PCDH11X: variants seen among roughly 807,000 people sequenced by gnomAD.
The protein encoded by PCDH11X is protocadherin 11 X-linked.
In PCDH11X, 18 loss-of-function variants were observed where a neutral mutation model predicts 53.3. That is an observed-to-expected ratio of 0.34 (90% CI 0.23 to 0.50). The LOEUF (loss-of-function observed/expected upper bound fraction) is 0.50. Among genes scored for constraint, PCDH11X ranks in the 20% least tolerant of loss-of-function variants. The pLI is 0.98. For synonymous variants in PCDH11X, 279 were observed against 393.3 expected, an observed-to-expected ratio of 0.71 and a Z score of 3.44; for missense variants, 570 against 1,032.4, an observed-to-expected ratio of 0.55 and a Z score of 6.14.
intron 8 of PCDH11X, among the ~76,000 whole-genome samples, chrX:92,331,057 G>A (rs1163362249): frequency 2.0e-5 from 2 of 101,756 alleles, no homozygotes; most frequent in East Asian, 6.4e-4. Context: ...TTAAATATGT[G>A]CAGTTTACTG....
intron 9 of PCDH11X, among the ~76,000 whole-genome samples, chrX:92,403,934 T>C (rs1372098907): frequency 9.0e-6 from 1 of 110,733 alleles, no homozygotes; most frequent in Non-Finnish European, 1.9e-5. Flanking sequence ...CTATCTTATC[T>C]TTAAGAAGAT....
At chrX:92,503,574 A>G (rs4363363) in intron 10 of PCDH11X, among the ~76,000 whole-genome samples, 14,311 of 92,153 alleles carry the variant, frequency 0.16, 997 homozygotes, top group East Asian at 0.48. Context: ...TGTGCTTTGC[A>G]GAGACATAGA....
rs2068245247 is a variant in PCDH11X, at chrX:92,281,219, T to C, written c.3144+18076T>C. On this transcript the variant is annotated intron_variant, in intron 8 of 10. Coordinates refer to ENST00000682573, the MANE Select transcript of PCDH11X (RefSeq NM_032968.5). Reference sequence around the variant, plus strand: ...CTGAACCAAAGGTCATATTGAATCATTTTTCTTATTCTACATTTCAGATTT... The same window carrying C: ...CTGAACCAAAGGTCATATTGAATCACTTTTCTTATTCTACATTTCAGATTT... 2.7e-5 allele frequency among the ~76,000 whole-genome samples: 3 copies of C among 111,986 alleles called. 1 individual carries two copies. In the East Asian group the frequency reaches 8.4e-4, roughly 31 times the overall value.
chrX:92,016,442 G>C (rs1357339532), intron 6 of PCDH11X, among the ~76,000 whole-genome samples: 1 of 109,929 alleles, frequency 9.1e-6, no homozygotes, highest in Non-Finnish European at 1.9e-5. Flanking sequence ...CTGAAAATCT[G>C]TTGTTCAGTG....
intron 6 of PCDH11X, among the ~76,000 whole-genome samples, chrX:92,117,114 C>T (rs989473609): frequency 1.7e-4 from 18 of 107,705 alleles, no homozygotes; most frequent in Admixed American, 2.1e-4. Context: ...TGTCTTTAAA[C>T]TTGTAAAGGG....
chrX:92,440,122 T>C (rs2072479334), intron 9 of PCDH11X, among the ~76,000 whole-genome samples: 1 of 102,707 alleles, frequency 9.7e-6, no homozygotes, highest in South Asian at 4.9e-4. Context: ...AGAAACCATT[T>C]TTTTCCAATA....
At chrX:92,389,100 T>C (rs974753559) in intron 9 of PCDH11X, among the ~76,000 whole-genome samples, 1 of 93,362 alleles carries the variant, frequency 1.1e-5, no homozygotes, top group African/African-American at 3.9e-5. Flanking sequence ...TTAGAGACTT[T>C]TGAGTCAGCA....
intron 6 of PCDH11X, among the ~76,000 whole-genome samples, chrX:92,137,605 A>C (rs2759737): frequency 9.0e-6 from 1 of 111,094 alleles, no homozygotes; most frequent in African/African-American, 3.3e-5. Flanking sequence ...ATATTCACAG[A>C]ATTTTGCAAC....
chrX:91,921,189 A>G (rs987065027), intron 6 of PCDH11X, among the ~76,000 whole-genome samples: 1 of 110,268 alleles, frequency 9.1e-6, no homozygotes, highest in African/African-American at 3.3e-5. Flanking sequence ...GGTTCACAGC[A>G]AAAATGAGAG....
At chrX:91,892,930 G>A (rs760079857) in intron 6 of PCDH11X, among the ~76,000 whole-genome samples, 337 of 110,219 alleles carry the variant, frequency 3.1e-3, no homozygotes, top group African/African-American at 0.011. Flanking sequence ...AGGATTACAG[G>A]CGTGAGCCAC....
intron 1 of PCDH11X, among the ~76,000 whole-genome samples, chrX:91,784,843 T>C (rs902598163): frequency 9.0e-6 from 1 of 111,407 alleles, no homozygotes. Context: ...CTATCTTTCA[T>C]TGACCTCAAA....
chrX:92,114,620 C>A (rs1422199829), intron 6 of PCDH11X, among the ~76,000 whole-genome samples: 1 of 111,744 alleles, frequency 8.9e-6, no homozygotes, highest in Non-Finnish European at 1.9e-5. Context: ...TTTCAAGGTT[C>A]TTTATATCCC....
At chrX:92,493,708 A>G (rs1470322442) in intron 10 of PCDH11X, among the ~76,000 whole-genome samples, 1 of 97,738 alleles carries the variant, frequency 1.0e-5, no homozygotes, top group Non-Finnish European at 2.0e-5. Flanking sequence ...GTGCAATGGC[A>G]TGATCTCGGC....
intron 10 of PCDH11X, among the ~76,000 whole-genome samples, chrX:92,468,619 C>T (rs1332184138): frequency 4.6e-5 from 5 of 109,352 alleles, no homozygotes; most frequent in South Asian, 3.9e-4. Context: ...TTTCAAATTA[C>T]CTATGAATTT....
At chrX:91,867,394 T>C (rs919405636) in intron 5 of PCDH11X, among the ~76,000 whole-genome samples, 7 of 110,567 alleles carry the variant, frequency 6.3e-5, no homozygotes, top group African/African-American at 1.7e-4. Context: ...ACAGTAGTTA[T>C]GCTTACAGAA....
At chrX:91,958,541 G>T (rs1172260205) in intron 6 of PCDH11X, among the ~76,000 whole-genome samples, 1 of 110,807 alleles carries the variant, frequency 9.0e-6, no homozygotes, top group Admixed American at 9.6e-5. Context: ...TTTTCAGGTG[G>T]GGTTGCGCAA....
chrX:92,176,745 T>G (rs901207419), intron 6 of PCDH11X, among the ~76,000 whole-genome samples: 1 of 110,837 alleles, frequency 9.0e-6, no homozygotes, highest in African/African-American at 3.3e-5. Flanking sequence ...TTATTTTATG[T>G]TGGAGTGCGA....
intron 6 of PCDH11X, among the ~76,000 whole-genome samples, chrX:92,172,801 A>G (rs992084106): frequency 3.6e-5 from 4 of 111,864 alleles, no homozygotes; most frequent in Non-Finnish European, 7.5e-5. Context: ...GTTTCTTTGT[A>G]TGTTTACAAT....
At chrX:92,370,075 G>T (rs1371069362) in intron 8 of PCDH11X, among the ~76,000 whole-genome samples, 9 of 106,872 alleles carry the variant, frequency 8.4e-5, no homozygotes, top group Non-Finnish European at 1.7e-4. Context: ...TAATTTTTTT[G>T]CATTTTTTGC....
Sources: gnomAD v4.1 joint callset for allele counts (sites outside exome capture counted in the v4.1 genomes callset) on GRCh38, gnomAD v4.1.1 for gene constraint, MANE v1.5 for transcripts, NCBI Gene and HGNC (gene_info 2026-07-23, HGNC 2026-07-21) for gene names.